The following SNAP25 variants were observed in gnomAD, a reference collection of about 807,000 sequenced individuals.
The protein encoded by SNAP25 is synaptosomal-associated protein 25.
A neutral mutation model predicts 28.7 loss-of-function variants in SNAP25; 3 were observed. The observed-to-expected ratio is 0.10, with a 90% CI of 0.05 to 0.27. SNAP25 has a LOEUF of 0.27. Among genes scored for constraint, SNAP25 ranks in the 10% least tolerant of loss-of-function variants. The pLI is 1.00. For missense variants in SNAP25, 117 were observed against 278.7 expected (o/e 0.42, Z 4.13); for synonymous variants, 61 against 88.1 (o/e 0.69, Z 1.72).
chr20:10,248,826 G>A (rs2063175353), intron 1 of SNAP25, among the ~76,000 whole-genome samples: 1 of 152,196 alleles, frequency 6.6e-6, no homozygotes. Flanking sequence ...AATTTGCTGA[G>A]CATCATTTCC....
Position 10,272,257 on chromosome 20 carries a change from C to A in SNAP25, c.-63-3172C>A, listed in dbSNP as rs1424400744. Among the ~76,000 whole-genome samples, 6 of 152,142 alleles carry A rather than the reference C, an allele frequency of 3.9e-5. No individual in the cohort carries two copies. The South Asian group carries it at 6.2e-4, about 16-fold the overall frequency. ...CCAGAACTTTTCTGTAATTTATTCC[C>A]CTCAACAACCCCATGAGATTGGCAT... On this transcript the variant is annotated intron_variant, in intron 1 of 7. Transcript: ENST00000254976.
intron 1 of SNAP25, among the ~76,000 whole-genome samples, chr20:10,257,442 G>A (rs184177940): frequency 7.9e-5 from 12 of 152,154 alleles, no homozygotes; most frequent in Admixed American, 2.6e-4. Context: ...TGGGCCAGAC[G>A]CGGTGGCTCA....
In SNAP25 at chr20:10,305,966, A is replaced by C. The variant is rs73896518; in HGVS notation, c.553-163A>C. 0.015 allele frequency among the ~76,000 whole-genome samples: 2,253 copies of C among 152,176 alleles called. 57 individuals are homozygous for C. Among genetic ancestry groups the C allele is most frequent in the African/African-American group, 0.052 (2,145 of 41,484 alleles). On this transcript the variant is annotated intron_variant, in intron 7 of 7. Transcript: ENST00000254976. Reference sequence around the variant, plus strand: ...AGCTTCTACGGTCACATTCAAATAGAGCCATAGCCGTCATTCTGGGAAGAC... The same window carrying C: ...AGCTTCTACGGTCACATTCAAATAGCGCCATAGCCGTCATTCTGGGAAGAC...
At chr20:10,236,014 A>C (rs1400787224) in intron 1 of SNAP25, among the ~76,000 whole-genome samples, 2 of 152,192 alleles carry the variant, frequency 1.3e-5, no homozygotes, top group Non-Finnish European at 2.9e-5. Context: ...TTGGGAGGGG[A>C]ATTATGCCAA....
chr20:10,264,725 C>G (rs2063477221), intron 1 of SNAP25, among the ~76,000 whole-genome samples: 1 of 152,112 alleles, frequency 6.6e-6, no homozygotes, highest in Admixed American at 6.5e-5. Context: ...CTTGCAAAGA[C>G]CTTCAGCCCT....
At chr20:10,290,635 T>A (rs2063976386) in intron 4 of SNAP25, among the ~76,000 whole-genome samples, 1 of 130,760 alleles carries the variant, frequency 7.6e-6, no homozygotes, top group Non-Finnish European at 1.6e-5. Flanking sequence ...GTCAGAGAGT[T>A]AATATTTTGG....
At chr20:10,237,005 A>C (rs575969177) in intron 1 of SNAP25, among the ~76,000 whole-genome samples, 2 of 147,816 alleles carry the variant, frequency 1.4e-5, no homozygotes, top group African/African-American at 4.9e-5. Context: ...AAGGCTTCTA[A>C]ATTCTTTGGT....
rs372571704 is a variant in SNAP25 at position 10,259,537 on chromosome 20, T to C, written c.-63-15892T>C. ...GACCAGCTAATCAGGACTTTTTTTA[T>C]TTTTATTTTTATTTTTTTTGAGACA... is the stretch of plus-strand genomic sequence containing the variant. On this transcript the variant is annotated intron_variant, in intron 1 of 7. Coordinates refer to ENST00000254976, the MANE Select transcript of SNAP25 (RefSeq NM_130811.4). Among the ~76,000 whole-genome samples, 4 of 140,446 alleles carry C rather than the reference T, an allele frequency of 2.8e-5. No homozygotes were observed. The East Asian group carries it at 7.8e-4, about 27-fold the overall frequency. The allele number at this position is 140,446 out of a possible 152,430, so 92.1% of individuals were successfully genotyped here.
chr20:10,288,175 AAATTT>A (rs1424956809), intron 4 of SNAP25, among the ~76,000 whole-genome samples: 1 of 151,948 alleles, frequency 6.6e-6, no homozygotes, highest in Non-Finnish European at 1.5e-5. Context: ...TAAAATAAAA[AAATTT>A]AAAAAATAAA....
intron 1 of SNAP25, among the ~76,000 whole-genome samples, chr20:10,252,285 A>G (rs990181820): frequency 3.9e-5 from 6 of 152,262 alleles, no homozygotes; most frequent in African/African-American, 1.2e-4. Flanking sequence ...TTTGAGGAAC[A>G]AAGATTTATA....
chr20:10,229,845 G>T (rs1182498276), intron 1 of SNAP25, among the ~76,000 whole-genome samples: 1 of 152,128 alleles, frequency 6.6e-6, no homozygotes, highest in Non-Finnish European at 1.5e-5. Context: ...TACATAAACA[G>T]GGGTTAGTAA....
intron 1 of SNAP25, among the ~76,000 whole-genome samples, chr20:10,252,631 A>G (rs1486534879): frequency 6.6e-6 from 1 of 152,182 alleles, no homozygotes; most frequent in African/African-American, 2.4e-5. Context: ...TATGTTCTTT[A>G]TACTTCAATA....
intron 3 of SNAP25, among the ~76,000 whole-genome samples, chr20:10,284,164 G>A (rs1012174517): frequency 6.6e-6 from 1 of 152,090 alleles, no homozygotes; most frequent in African/African-American, 2.4e-5. Flanking sequence ...AATGGAGAGA[G>A]AGTGAGTTTC....
At chr20:10,282,439 C>T (rs564457599) in intron 3 of SNAP25, among the ~76,000 whole-genome samples, 1 of 152,342 alleles carries the variant, frequency 6.6e-6, no homozygotes, top group African/African-American at 2.4e-5. Flanking sequence ...CTCTCTGCTT[C>T]TGTTCTCCCA....
chr20:10,305,078 G>A (rs1485227724), intron 7 of SNAP25, among the ~76,000 whole-genome samples: 1 of 152,088 alleles, frequency 6.6e-6, no homozygotes, highest in Non-Finnish European at 1.5e-5. Flanking sequence ...AGATTTATAT[G>A]TATTTTATGA....
In SNAP25 at chr20:10,243,684, C is replaced by A. The variant is rs1368333895; in HGVS notation, c.-64+24707C>A. ...AGCTAAGGTAAAGTGGCCTACTCAT[C>A]ATTTCATGTCAGGGGATACAGTAGA... is the stretch of plus-strand genomic sequence containing the variant. On this transcript the variant is annotated intron_variant, in intron 1 of 7. Coordinates refer to ENST00000254976, the MANE Select transcript of SNAP25 (RefSeq NM_130811.4). 3.3e-5 allele frequency among the ~76,000 whole-genome samples: 5 copies of A among 152,276 alleles called. No homozygotes were observed. The East Asian group carries it at 9.6e-4, about 29-fold the overall frequency.
intron 7 of SNAP25, among the ~76,000 whole-genome samples, chr20:10,304,329 C>G (rs1295951806): frequency 6.6e-6 from 1 of 152,068 alleles, no homozygotes; most frequent in Non-Finnish European, 1.5e-5. Context: ...TACAGTTGAC[C>G]CTTGAACAAC....
chr20:10,265,325 T>C (rs1013339581), intron 1 of SNAP25, among the ~76,000 whole-genome samples: 7 of 152,192 alleles, frequency 4.6e-5, no homozygotes, highest in African/African-American at 1.7e-4. Context: ...ACTTACAGCA[T>C]GTTATCTGCT....
intron 7 of SNAP25, among the ~76,000 whole-genome samples, chr20:10,305,576 G>T (rs2064335374): frequency 6.6e-6 from 1 of 152,052 alleles, no homozygotes; most frequent in South Asian, 2.1e-4. Context: ...CACAAAAGTG[G>T]ATCCACACCA....
Sources: gnomAD v4.1 joint callset for allele counts (sites outside exome capture counted in the v4.1 genomes callset) on GRCh38, gnomAD v4.1.1 for gene constraint, MANE v1.5 for transcripts, NCBI Gene and HGNC (gene_info 2026-07-23, HGNC 2026-07-21) for gene names.